Variants in BCAR3 observed in about 807,000 individuals in gnomAD.
BCAR3 encodes the protein breast cancer anti-estrogen resistance protein 3.
In BCAR3, 37 loss-of-function variants were observed where a neutral mutation model predicts 80.1. The observed-to-expected ratio is 0.46, with a 90% CI of 0.36 to 0.61. The LOEUF (loss-of-function observed/expected upper bound fraction) is 0.61. Among genes scored for constraint, BCAR3 ranks in the 20% least tolerant of loss-of-function variants. The pLI is 0.00. For synonymous variants in BCAR3, 389 were observed against 418.9 expected, an observed-to-expected ratio of 0.93 and a Z score of 0.87; for missense variants, 978 against 1,068.2, an observed-to-expected ratio of 0.92 and a Z score of 1.18.
At chr1:93,699,497 C>T (rs1268710071) in intron 3 of BCAR3, among the ~76,000 whole-genome samples, 1 of 152,004 alleles carries the variant, frequency 6.6e-6, no homozygotes, top group Admixed American at 6.6e-5. Context: ...AAAGCTGTAC[C>T]TTGTTGCGGG....
rs1673745930 is a variant in BCAR3, at chr1:93,582,364, T to C, written c.1623A>G (p.Lys541=). ...TGGGGTCGTTGTTGGTGAACAGTTC[T>C]TTTGCACGTTTCAACATTGCTGTTT... is the stretch of plus-strand genomic sequence containing the variant. The part of the protein sequence containing the change: ...PLETAMLKRA[K]ELFTNNDPKV... Residue 541 remains lysine, a synonymous_variant, in exon 7 of 12, where the codon AAA becomes AAG. Coordinates refer to ENST00000260502, the MANE Select transcript of BCAR3 (RefSeq NM_003567.4). 6.2e-7 allele frequency: 1 copy of C among 1,614,076 alleles called. No homozygotes were observed. Among genetic ancestry groups the C allele is most frequent in the Non-Finnish European group, 8.5e-7 (1 of 1,180,042 alleles).
At chr1:93,593,843 CAG>C (rs529927952) in intron 3 of BCAR3, among the ~76,000 whole-genome samples, 86 of 152,272 alleles carry the variant, frequency 5.6e-4, no homozygotes, top group East Asian at 1.5e-3. Context: ...AAGAGTAACT[CAG>C]GGGCTGATTT....
intron 11 of BCAR3, among the ~76,000 whole-genome samples, chr1:93,565,047 CTGA>C (rs1325317173): frequency 1.3e-5 from 2 of 151,636 alleles, no homozygotes; most frequent in Non-Finnish European, 2.9e-5. Context: ...TATTTTCTTC[CTGA>C]TGATGCCAGA....
At chr1:93,569,074 A>ACT (rs377247054) in intron 9 of BCAR3, among the ~76,000 whole-genome samples, 3 of 152,196 alleles carry the variant, frequency 2.0e-5, no homozygotes, top group African/African-American at 4.8e-5. Context: ...ACTGACTCTG[A>ACT]CTGTCCTAAG....
intron 2 of BCAR3, among the ~76,000 whole-genome samples, chr1:93,755,846 T>C (rs1251905832): frequency 6.6e-6 from 1 of 152,196 alleles, no homozygotes; most frequent in Non-Finnish European, 1.5e-5. Context: ...TAAGATAATA[T>C]CTAATGACAG....
intron 2 of BCAR3, among the ~76,000 whole-genome samples, chr1:93,734,344 T>C (rs557008638): frequency 6.6e-6 from 1 of 152,366 alleles, no homozygotes; most frequent in South Asian, 2.1e-4. Context: ...AACATTGCTC[T>C]ATGACTTCAG....
intron 2 of BCAR3, among the ~76,000 whole-genome samples, chr1:93,671,383 G>A (rs1648196369): frequency 6.6e-6 from 1 of 152,134 alleles, no homozygotes; most frequent in Admixed American, 6.5e-5. Flanking sequence ...AGACAAAGAG[G>A]TGCTTATCTG....
chr1:93,576,620 G>A (rs1054743973), intron 7 of BCAR3, among the ~76,000 whole-genome samples: 6 of 152,152 alleles, frequency 3.9e-5, no homozygotes, highest in African/African-American at 7.2e-5. Context: ...CCTTAATTAC[G>A]CTTCTCCTGG....
chr1:93,789,856 T>C (rs1653081018), intron 2 of BCAR3, among the ~76,000 whole-genome samples: 1 of 152,198 alleles, frequency 6.6e-6, no homozygotes, highest in African/African-American at 2.4e-5. Flanking sequence ...AGAGATTCTT[T>C]AGAGGCAATG....
At position 93,770,805 on chromosome 1, in the gene BCAR3, TAACA is replaced by T. The variant is rs556093210; in HGVS notation, c.-62-64667_-62-64664del. ...TTCTAGAGAATTAGCTAGGTCCTAC[TAACA>T]AATTGTATTTCAGGACCACAGACAG... On this transcript the variant is annotated intron_variant, in intron 2 of 13. Coordinates refer to the BCAR3 transcript ENST00000370244. Among the ~76,000 whole-genome samples the T allele has an allele frequency of 2.4e-3, 372 of 152,204 alleles. 2 individuals are homozygous for T. Among genetic ancestry groups the T allele is most frequent in the Non-Finnish European group, 4.2e-3 (287 of 68,006 alleles).
intron 2 of BCAR3, among the ~76,000 whole-genome samples, chr1:93,718,477 A>G (rs1650266937): frequency 6.6e-6 from 1 of 152,194 alleles, no homozygotes; most frequent in African/African-American, 2.4e-5. Flanking sequence ...GGTCAGGCTT[A>G]ACTACTGGCT....
chr1:93,613,746 C>G, intron 3 of BCAR3: 1 of 1,388,842 alleles, frequency 7.2e-7, no homozygotes. Flanking sequence ...TTTTCACAAT[C>G]AGCAAGCTGC....
At chr1:93,726,660 T>A (rs2100677369) in intron 2 of BCAR3, among the ~76,000 whole-genome samples, 1 of 152,356 alleles carries the variant, frequency 6.6e-6, no homozygotes, top group Non-Finnish European at 1.5e-5. Context: ...TTATAGTTGA[T>A]GGCATCTTGC....
At chr1:93,687,587 G>A (rs948870160) in intron 3 of BCAR3, among the ~76,000 whole-genome samples, 5 of 152,286 alleles carry the variant, frequency 3.3e-5, no homozygotes, top group African/African-American at 7.2e-5. Flanking sequence ...GATTACAGGC[G>A]TGAGCCATCA....
chr1:93,733,685 T>C (rs1461622210), intron 2 of BCAR3, among the ~76,000 whole-genome samples: 1 of 152,204 alleles, frequency 6.6e-6, no homozygotes, highest in Non-Finnish European at 1.5e-5. Context: ...TGCACACGCA[T>C]GCACCTGTAT....
At chr1:93,566,983 C>G (rs1672978505) in intron 11 of BCAR3, among the ~76,000 whole-genome samples, 1 of 152,200 alleles carries the variant, frequency 6.6e-6, no homozygotes. Flanking sequence ...CTGCCTCAGC[C>G]TCCCAGAGTG....
At chr1:93,613,952 G>A in intron 3 of BCAR3, 1 of 1,550,210 alleles carries the variant, frequency 6.5e-7, no homozygotes. Flanking sequence ...CAGTCCCGGG[G>A]ACCACACACT....
chr1:93,840,013 G>C (rs921117295), intron 2 of BCAR3, among the ~76,000 whole-genome samples: 1 of 152,176 alleles, frequency 6.6e-6, no homozygotes, highest in Non-Finnish European at 1.5e-5. Context: ...AGGAAGGGCA[G>C]AGGGCATTAT....
chr1:93,755,274 A>C (rs1651704627), intron 2 of BCAR3, among the ~76,000 whole-genome samples: 1 of 152,234 alleles, frequency 6.6e-6, no homozygotes, highest in Non-Finnish European at 1.5e-5. Context: ...TAAAGTTTTA[A>C]AATAAATTTA....
Sources: allele counts gnomAD v4.1 joint callset (sites outside exome capture counted in the v4.1 genomes callset), GRCh38; gene constraint gnomAD v4.1.1; transcripts MANE v1.5; gene names NCBI Gene and HGNC (gene_info 2026-07-23, HGNC 2026-07-21).